Variants in SV2C observed in about 807,000 individuals in gnomAD.
SV2C encodes the protein synaptic vesicle glycoprotein 2C.
Under a neutral mutation model 79.7 loss-of-function variants are expected in SV2C, and 49 were observed. The observed-to-expected ratio is 0.61, with a 90% confidence interval of 0.49 to 0.78. SV2C has a LOEUF of 0.78. Among genes scored for constraint, SV2C ranks in the 30% least tolerant of loss-of-function variants. The pLI is 0.00. For synonymous variants in SV2C, 334 were observed against 333.2 expected, an observed-to-expected ratio of 1.00 and a Z score of -0.03; for missense variants, 833 against 912.9, an observed-to-expected ratio of 0.91 and a Z score of 1.13.
chr5:75,887,881 G>T, the SV2C span, among the ~76,000 whole-genome samples: 1 of 152,094 alleles, frequency 6.6e-6, no homozygotes, highest in South Asian at 2.1e-4. Flanking sequence ...TCCTTGAAGC[G>T]GTTTTTAAAA....
chr5:75,887,531 G>T, the SV2C span, among the ~76,000 whole-genome samples: 1 of 152,064 alleles, frequency 6.6e-6, no homozygotes, highest in East Asian at 1.9e-4. Context: ...TTCTGGATGA[G>T]TTAAGGCCTT....
chr5:76,307,601 C>T (rs1450562731), intron 12 of SV2C, among the ~76,000 whole-genome samples: 2 of 152,142 alleles, frequency 1.3e-5, no homozygotes, highest in Non-Finnish European at 2.9e-5. Context: ...TATTTGAATA[C>T]TTTTTCAGTG....
chr5:76,286,383 C>T (rs904316910), intron 6 of SV2C, among the ~76,000 whole-genome samples: 2 of 152,106 alleles, frequency 1.3e-5, no homozygotes, highest in East Asian at 3.9e-4. Flanking sequence ...ACTCAGCCCC[C>T]ACAAAGGTGT....
the SV2C span, among the ~76,000 whole-genome samples, chr5:75,874,706 A>G: frequency 6.6e-6 from 1 of 152,308 alleles, no homozygotes; most frequent in African/African-American, 2.4e-5. Context: ...AAATTTCAGA[A>G]AAGTTACAGG....
chr5:75,896,797 T>C, the SV2C span, among the ~76,000 whole-genome samples: 1 of 149,318 alleles, frequency 6.7e-6, no homozygotes, highest in Non-Finnish European at 1.5e-5. Flanking sequence ...GTGGTTTTGA[T>C]TTGCATTTCT....
intron 2 of SV2C, among the ~76,000 whole-genome samples, chr5:76,141,146 A>G (rs1201299006): frequency 6.6e-6 from 1 of 152,196 alleles, no homozygotes; most frequent in African/African-American, 2.4e-5. Flanking sequence ...AGACTCTTCC[A>G]TCCAAAGAGT....
At chr5:76,065,507 T>C in the SV2C span, among the ~76,000 whole-genome samples, 10 of 152,202 alleles carry the variant, frequency 6.6e-5, no homozygotes, top group African/African-American at 2.4e-4. Context: ...CTGCCTACAA[T>C]GAACTTCAAA....
At chr5:76,314,400 T>C (rs796737481) in intron 12 of SV2C, among the ~76,000 whole-genome samples, 4 of 152,246 alleles carry the variant, frequency 2.6e-5, no homozygotes, top group African/African-American at 9.6e-5. Flanking sequence ...TCATAAAGCA[T>C]TGCCTATTAG....
chr5:76,322,674 G>C (rs538835490), intron 12 of SV2C, among the ~76,000 whole-genome samples: 1 of 152,230 alleles, frequency 6.6e-6, no homozygotes, highest in Non-Finnish European at 1.5e-5. Context: ...GCATGGTACT[G>C]GTACCAAAAC....
chr5:76,273,698 C>G (rs544775082), intron 4 of SV2C, among the ~76,000 whole-genome samples: 3 of 152,308 alleles, frequency 2.0e-5, no homozygotes, highest in African/African-American at 7.2e-5. Flanking sequence ...GAAAGGTTGG[C>G]TTGTTGCTCG....
the SV2C span, among the ~76,000 whole-genome samples, chr5:76,014,889 G>A: frequency 6.6e-6 from 1 of 152,150 alleles, no homozygotes; most frequent in South Asian, 2.1e-4. Flanking sequence ...AAGTAACAGA[G>A]AAACCAAAGA....
At chr5:75,882,802 T>A in the SV2C span, among the ~76,000 whole-genome samples, 51,688 of 149,924 alleles carry the variant, frequency 0.34, 11,967 homozygotes, top group African/African-American at 0.67. Flanking sequence ...AAAAAAAAAC[T>A]CCAAAAGCAA....
intron 3 of SV2C, among the ~76,000 whole-genome samples, chr5:76,202,370 G>T (rs12186341): frequency 0.16 from 25,032 of 152,132 alleles, 2,210 homozygotes; most frequent in Non-Finnish European, 0.19. Flanking sequence ...AAATGAGGAA[G>T]TTGAAGTACA....
At chr5:76,114,433 C>T (rs1373305900) in intron 1 of SV2C, among the ~76,000 whole-genome samples, 1 of 152,174 alleles carries the variant, frequency 6.6e-6, no homozygotes, top group African/African-American at 2.4e-5. Context: ...AAAGGGAGAA[C>T]AGTGCAAGCT....
the SV2C span, among the ~76,000 whole-genome samples, chr5:76,031,102 T>C: frequency 6.6e-6 from 1 of 152,236 alleles, no homozygotes; most frequent in Admixed American, 6.5e-5. Flanking sequence ...ATCTTTTGTT[T>C]GATCTAACTG....
chr5:75,892,193 T>G, the SV2C span, among the ~76,000 whole-genome samples: 3,526 of 152,176 alleles, frequency 0.023, 57 homozygotes, highest in African/African-American at 0.053. Flanking sequence ...ATCTTCATGT[T>G]CCCTGGTTTG....
At chr5:75,930,180 G>C in the SV2C span, among the ~76,000 whole-genome samples, 19 of 150,192 alleles carry the variant, frequency 1.3e-4, 1 homozygote, top group Admixed American at 4.0e-4. Context: ...TTCTCCCCCT[G>C]CTTTCCGCCT....
chr5:75,869,787 A>G, the SV2C span, among the ~76,000 whole-genome samples: 1 of 152,220 alleles, frequency 6.6e-6, no homozygotes, highest in Admixed American at 6.5e-5. Flanking sequence ...ACACCAGCCC[A>G]GGTTCAGGCA....
At chr5:76,043,120 G>C in the SV2C span, among the ~76,000 whole-genome samples, 1 of 152,130 alleles carries the variant, frequency 6.6e-6, no homozygotes, top group Non-Finnish European at 1.5e-5. Context: ...ACGCAATAAC[G>C]AAGTTTACAC....
Sources: gnomAD v4.1 joint callset for allele counts (sites outside exome capture counted in the v4.1 genomes callset) on GRCh38, gnomAD v4.1.1 for gene constraint, MANE v1.5 for transcripts, NCBI Gene and HGNC (gene_info 2026-07-23, HGNC 2026-07-21) for gene names.